Variants in UTP25 observed in about 807,000 individuals in gnomAD.
The protein encoded by UTP25 is U3 small nucleolar RNA-associated protein 25 homolog.
UTP25 carries 50 observed loss-of-function variants against 78.9 expected under a neutral mutation model. That is an observed-to-expected ratio of 0.63 (90% CI 0.50 to 0.80). UTP25 has a LOEUF of 0.80. Among genes scored for constraint, UTP25 ranks in the 30% least tolerant of loss-of-function variants. The pLI, the probability that UTP25 is intolerant of heterozygous loss-of-function variation, is 0.00. For synonymous variants in UTP25, 329 were observed against 336.5 expected (o/e 0.98, Z 0.24); for missense variants, 846 against 911.3 (o/e 0.93, Z 0.92).
intron 3 of UTP25, 71 bp downstream of exon 3, chr1:209,831,114 C>G: frequency 6.7e-7 from 1 of 1,500,108 alleles, no homozygotes; most frequent in Non-Finnish European, 9.1e-7. Flanking sequence ...AGCATGGTAC[C>G]TTATATACTG....
At chr1:209,828,215 C>T (rs1183407197) in intron 1 of UTP25, 45 bp downstream of exon 1, 1 of 1,486,026 alleles carries the variant, frequency 6.7e-7, no homozygotes, top group Middle Eastern at 1.7e-4. Flanking sequence ...AGAGATGTAT[C>T]CTCGAGTTTG....
chr1:209,832,764 GT>G (rs2078110340), intron 3 of UTP25, among the ~76,000 whole-genome samples: 2 of 152,146 alleles, frequency 1.3e-5, no homozygotes, highest in Admixed American at 1.3e-4. Context: ...CATGCCTGTA[GT>G]TTCAGCTACT....
At chr1:209,840,126 G>A (rs889217628) in intron 7 of UTP25, among the ~76,000 whole-genome samples, 4 of 152,206 alleles carry the variant, frequency 2.6e-5, no homozygotes, top group African/African-American at 9.7e-5. Context: ...AAGAGCTCGT[G>A]TTTTGTTTGG....
At chr1:209,841,794 A>G (rs1355572783) in intron 8 of UTP25, among the ~76,000 whole-genome samples, 6 of 152,236 alleles carry the variant, frequency 3.9e-5, no homozygotes, top group Non-Finnish European at 8.8e-5. Flanking sequence ...ATCTATTACA[A>G]GGTAAAAATA....
At position 209,828,000 on chromosome 1, in the gene UTP25, G is replaced by A; in HGVS notation, c.-64G>A. On this transcript the variant is annotated 5_prime_UTR_variant, in exon 1 of 12. Transcript: ENST00000491415. ...GTCAGCGAGCCCACGTGCTTGTGTT[G>A]ACTGGACAACTTCCTGGTGGAAAAC... 1 of 1,325,776 alleles carries A rather than the reference G, an allele frequency of 7.5e-7. No homozygotes were observed. Among genetic ancestry groups the A allele is most frequent in the East Asian group, 2.3e-5 (1 of 43,524 alleles). The allele number at this position is 1,325,776 out of a possible 1,614,324, so 82.1% of individuals were successfully genotyped here.
At chr1:209,843,361 G>A (rs2078178002) in intron 10 of UTP25, 90 bp from the exon 11 acceptor site, 5 of 1,482,776 alleles carry the variant, frequency 3.4e-6, no homozygotes, top group East Asian at 4.6e-5. Context: ...CTTTTAACAC[G>A]AGATTGTAAT....
Position 209,840,895 on chromosome 1 carries a change from T to C in UTP25, c.1325T>C (p.Phe442Ser). 6.2e-7 allele frequency: 1 copy of C among 1,613,486 alleles called. No individual in the cohort carries two copies. The highest frequency in any genetic ancestry group is 8.5e-7 in the Non-Finnish European group (1 of 1,179,944). ...AGAAGCATCCGACTCTATGCCCCGT[T>C]TTACTCCTCGGATATCCTCATTGCT... ...LQRSIRLYAP[F>S]YSSDILIASP... The change falls in exon 8 of 12, where the codon TTT (phenylalanine) becomes TCT (serine). Residue 442 changes from phenylalanine (F) to serine (S), a missense_variant. By Grantham distance (155) the Phe-to-Ser change is radical. Coordinates refer to ENST00000491415, the MANE Select transcript of UTP25 (RefSeq NM_014388.7).
At position 209,843,515 on chromosome 1, in the gene UTP25, A is replaced by G. The variant is rs757904299; in HGVS notation, c.1846A>G (p.Ile616Val). The G allele has an allele frequency of 1.2e-6, 2 of 1,614,180 alleles. No individual in the cohort carries two copies. The highest frequency in any genetic ancestry group is 2.2e-5 in the South Asian group (2 of 91,078). Residue 616 changes from isoleucine (I) to valine (V), a missense_variant, in exon 11 of 12, where the codon ATC becomes GTC. Transcript: ENST00000491415. ...TGATGCAGTCATGTCTCACACGCTC[A>G]TCTATATCCCCTCCTACTTTGACTT... ...YRDAVMSHTL[I>V]YIPSYFDFVR...
chr1:209,834,419 G>A (rs1471494783), intron 4 of UTP25, among the ~76,000 whole-genome samples: 1 of 152,160 alleles, frequency 6.6e-6, no homozygotes, highest in African/African-American at 2.4e-5. Flanking sequence ...CTATCATGTG[G>A]ATCATTTGTT....
chr1:209,847,745 C>T (rs1353587622), intron 11 of UTP25, among the ~76,000 whole-genome samples: 1 of 152,176 alleles, frequency 6.6e-6, no homozygotes, highest in Non-Finnish European at 1.5e-5. Context: ...GGACATTTGG[C>T]AATATCTGGA....
chr1:209,840,956 A>G lies in UTP25; in HGVS notation c.1386A>G (p.Glu462=), dbSNP rs1249775403. ...GCTTGAGGACCATCATTGGTGGAGA[A>G]GGAGAGAAGAAGAGAGATTTTGACT... ...PLGLRTIIGG[E]GEKKRDFDFL... is the part of the protein sequence containing the mutation. Residue 462 remains glutamate, a synonymous_variant, in exon 8 of 12, where the codon GAA becomes GAG. Transcript: ENST00000491415. 1 of 1,614,090 alleles carries G rather than the reference A, an allele frequency of 6.2e-7. No homozygotes were observed. Among genetic ancestry groups the G allele is most frequent in the Non-Finnish European group, 8.5e-7 (1 of 1,179,976 alleles).
intron 11 of UTP25, among the ~76,000 whole-genome samples, chr1:209,850,962 TG>T (rs1318852047): frequency 6.6e-6 from 1 of 152,354 alleles, no homozygotes; most frequent in East Asian, 1.9e-4. Context: ...GATCAAGAAA[TG>T]TGTATTTATT....
chr1:209,848,053 T>G (rs1356413102), intron 11 of UTP25, among the ~76,000 whole-genome samples: 2 of 152,226 alleles, frequency 1.3e-5, no homozygotes, highest in Non-Finnish European at 1.5e-5. Flanking sequence ...GTTCTCAAAC[T>G]TTGCCGTACG....
In UTP25 at chr1:209,843,451, G is replaced by T; in HGVS notation, c.1782G>T (p.Arg594Ser). ...TTTGCCCTTTGCCATTCCAAATCAGGTTTAACTTTTTTGTGAACAAGATTT... is the reference window on the plus strand; with the variant it reads ...TTTGCCCTTTGCCATTCCAAATCAGTTTTAACTTTTTTGTGAACAAGATTT... ...AENLASVIDA[R>S]FNFFVNKILP... Residue 594 changes from arginine (R) to serine (S), a missense_variant and splice_region_variant, in exon 11 of 12, where the codon AGG becomes AGT. Physicochemically the swap from Arg to Ser is moderately radical, Grantham distance 110. Coordinates refer to ENST00000491415, the MANE Select transcript of UTP25 (RefSeq NM_014388.7). 1 of 1,613,676 alleles carries T rather than the reference G, an allele frequency of 6.2e-7. No homozygotes were observed. Among genetic ancestry groups the T allele is most frequent in the Non-Finnish European group, 8.5e-7 (1 of 1,179,802 alleles).
At chr1:209,838,326 T>C (rs1288251753) in intron 6 of UTP25, among the ~76,000 whole-genome samples, 2 of 152,244 alleles carry the variant, frequency 1.3e-5, no homozygotes, top group Non-Finnish European at 2.9e-5. Flanking sequence ...TTGAATATGC[T>C]TAGAAAGCTG....
Position 209,827,992 on chromosome 1 carries a change from C to T in UTP25, c.-72C>T. 10 of 1,206,612 alleles carry T rather than the reference C, an allele frequency of 8.3e-6. No homozygotes were observed. The highest frequency in any genetic ancestry group is 1.2e-5 in the Non-Finnish European group (10 of 809,450). 74.7% of individuals were successfully genotyped at this position (1,206,612 alleles called of 1,614,324 possible). On this transcript the variant is annotated 5_prime_UTR_variant, in exon 1 of 12. Coordinates refer to ENST00000491415, the MANE Select transcript of UTP25 (RefSeq NM_014388.7). ...AAAGCGCAGTCAGCGAGCCCACGTG[C>T]TTGTGTTGACTGGACAACTTCCTGG... is the stretch of plus-strand genomic sequence containing the variant.
rs757032063 is a variant in UTP25 at position 209,837,025 on chromosome 1, G to C, written c.876G>C (p.Leu292=). 1.2e-6 allele frequency: 2 copies of C among 1,614,138 alleles called. No individual in the cohort carries two copies. Among genetic ancestry groups the C allele is most frequent in the South Asian group, 1.1e-5 (1 of 91,086 alleles). ...TAATTATGAATTCTTACCGGGACCT[G>C]TTCTACCCGGAAAGGACTGCTCTGA... The part of the protein sequence containing the change: ...LFLIMNSYRD[L]FYPERTALKN... The change falls in exon 6 of 12, where the codon CTG becomes CTC. Residue 292 remains leucine, a synonymous_variant. Coordinates refer to ENST00000491415, the MANE Select transcript of UTP25 (RefSeq NM_014388.7).
intron 3 of UTP25, among the ~76,000 whole-genome samples, chr1:209,831,997 T>G (rs980039922): frequency 1.3e-5 from 2 of 152,084 alleles, no homozygotes; most frequent in African/African-American, 4.8e-5. Flanking sequence ...GCCTTATTTT[T>G]TTTTTATACC....
intron 4 of UTP25, among the ~76,000 whole-genome samples, chr1:209,834,059 G>A (rs2078118207): frequency 6.6e-6 from 1 of 152,130 alleles, no homozygotes. Flanking sequence ...GACTCATTTA[G>A]TTCTGTTGGT....
Sources: gnomAD v4.1 joint callset for allele counts (sites outside exome capture counted in the v4.1 genomes callset) on GRCh38, gnomAD v4.1.1 for gene constraint, MANE v1.5 for transcripts, NCBI Gene and HGNC (gene_info 2026-07-23, HGNC 2026-07-21) for gene names.